Variants in TMPRSS11F observed in about 807,000 individuals in gnomAD.
TMPRSS11F encodes transmembrane serine protease 11F.
TMPRSS11F carries 47 observed loss-of-function variants against 60.2 expected under a neutral mutation model. The observed-to-expected ratio is 0.78, with a 90% confidence interval of 0.62 to 1.00. TMPRSS11F has a LOEUF of 1.00. Among genes scored for constraint, TMPRSS11F ranks in the 50% least tolerant of loss-of-function variants. The pLI is 0.00. For missense variants in TMPRSS11F, 519 were observed against 522.9 expected, an observed-to-expected ratio of 0.99 and a Z score of 0.07; for synonymous variants, 166 against 167.3, an observed-to-expected ratio of 0.99 and a Z score of 0.06.
At chr4:68,106,792 C>T (rs1724309275) in intron 1 of TMPRSS11F, among the ~76,000 whole-genome samples, 1 of 152,114 alleles carries the variant, frequency 6.6e-6, no homozygotes, top group Non-Finnish European at 1.5e-5. Context: ...ATCTTATTTA[C>T]ATAATAGAAT....
At chr4:68,118,337 T>C (rs1724565279) in intron 1 of TMPRSS11F, among the ~76,000 whole-genome samples, 2 of 152,280 alleles carry the variant, frequency 1.3e-5, no homozygotes, top group African/African-American at 4.8e-5. Context: ...ATGGAAGGCT[T>C]TTTATGTGAA....
At chr4:68,060,931 T>C (rs1481876010) in intron 8 of TMPRSS11F, among the ~76,000 whole-genome samples, 1 of 152,030 alleles carries the variant, frequency 6.6e-6, no homozygotes, top group Non-Finnish European at 1.5e-5. Context: ...TAATAATATA[T>C]AGTACTTTTT....
chr4:68,091,333 A>G (rs1439607793), intron 2 of TMPRSS11F, among the ~76,000 whole-genome samples: 1 of 151,840 alleles, frequency 6.6e-6, no homozygotes, highest in Non-Finnish European at 1.5e-5. Context: ...CACCTTGGTG[A>G]GCTCTTTATT....
At chr4:68,109,192 C>T (rs895342450) in intron 1 of TMPRSS11F, among the ~76,000 whole-genome samples, 2 of 152,114 alleles carry the variant, frequency 1.3e-5, no homozygotes, top group African/African-American at 4.8e-5. Flanking sequence ...TGAGCACCTA[C>T]TATGTAACCT....
chr4:68,091,383 C>T (rs574384207), intron 2 of TMPRSS11F, among the ~76,000 whole-genome samples: 6 of 152,138 alleles, frequency 3.9e-5, no homozygotes, highest in African/African-American at 1.4e-4. Context: ...CTATCTTTGA[C>T]CTGGTCATAT....
chr4:68,111,195 G>C (rs1255865877), intron 1 of TMPRSS11F, among the ~76,000 whole-genome samples: 1 of 151,996 alleles, frequency 6.6e-6, no homozygotes, highest in Non-Finnish European at 1.5e-5. Context: ...TTCCCAGTTG[G>C]AGCTTATACA....
chr4:68,108,142 A>G (rs73823605), intron 1 of TMPRSS11F, among the ~76,000 whole-genome samples: 1 of 152,148 alleles, frequency 6.6e-6, no homozygotes, highest in African/African-American at 2.4e-5. Flanking sequence ...GCAACGAGGA[A>G]ATCAGAACAT....
chr4:68,070,002 C>G lies in TMPRSS11F; in HGVS notation c.520G>C (p.Asp174His). 6.2e-7 allele frequency: 1 copy of G among 1,602,060 alleles called. No homozygotes were observed. The highest frequency in any genetic ancestry group is 8.5e-7 in the Non-Finnish European group (1 of 1,173,830). The change falls in exon 6 of 10, where the codon GAC becomes CAC. Residue 174 changes from aspartate (D) to histidine (H), a missense_variant. Physicochemically the swap from Asp to His is moderately conservative, Grantham distance 81. Coordinates refer to ENST00000356291, the MANE Select transcript of TMPRSS11F (RefSeq NM_207407.2). ...AGAAGATTCCTCATCTTTTTGCTGT[C>G]AATAGCTGGAATAAGCAAAACATGA... ...NKPSFRLTPI[D>H]SKKMRNLLNS...
intron 9 of TMPRSS11F, among the ~76,000 whole-genome samples, chr4:68,056,830 A>G (rs1404604521): frequency 1.3e-5 from 2 of 152,220 alleles, no homozygotes; most frequent in Non-Finnish European, 2.9e-5. Context: ...GTCCTGGCAT[A>G]ATAACAGATT....
chr4:68,125,705 T>A (rs1228619403), intron 1 of TMPRSS11F, among the ~76,000 whole-genome samples: 1 of 152,166 alleles, frequency 6.6e-6, no homozygotes, highest in Admixed American at 6.5e-5. Context: ...CACAATATCC[T>A]TTTTTAAAGA....
At chr4:68,129,721 C>A in intron 1 of TMPRSS11F, 89 bp downstream of exon 1, 1 of 1,192,582 alleles carries the variant, frequency 8.4e-7, no homozygotes, top group Non-Finnish European at 1.2e-6. Context: ...AAATCAATCT[C>A]CACCAGCCAA....
chr4:68,059,038 G>A (rs1723102117), intron 9 of TMPRSS11F, among the ~76,000 whole-genome samples: 3 of 152,172 alleles, frequency 2.0e-5, no homozygotes, highest in Admixed American at 2.0e-4. Flanking sequence ...TAAAAAATGT[G>A]AGGGGCGAAG....
At chr4:68,115,044 C>G (rs1191022685) in intron 1 of TMPRSS11F, among the ~76,000 whole-genome samples, 6 of 144,816 alleles carry the variant, frequency 4.1e-5, no homozygotes, top group Admixed American at 6.8e-5. Context: ...TTTCAACAAG[C>G]TAGGGATAGA....
chr4:68,082,877 T>C (rs746444872), intron 3 of TMPRSS11F, among the ~76,000 whole-genome samples: 5 of 151,972 alleles, frequency 3.3e-5, no homozygotes, highest in South Asian at 2.1e-4. Flanking sequence ...TGACAGCCAC[T>C]GCCTCTGCCC....
chr4:68,070,375 G>A (rs1723431074), intron 5 of TMPRSS11F, among the ~76,000 whole-genome samples: 1 of 152,298 alleles, frequency 6.6e-6, no homozygotes, highest in Admixed American at 6.5e-5. Context: ...CACAGTTGGT[G>A]TTTACCAACC....
chr4:68,102,846 T>C (rs1724220455), intron 1 of TMPRSS11F, among the ~76,000 whole-genome samples: 1 of 152,164 alleles, frequency 6.6e-6, no homozygotes, highest in Non-Finnish European at 1.5e-5. Flanking sequence ...TATTTTTGCT[T>C]TTGTGGGTTG....
At position 68,098,338 on chromosome 4, in the gene TMPRSS11F, G is replaced by A. The variant is rs143074150; in HGVS notation, c.163+549C>T. On this transcript the variant is annotated intron_variant, in intron 2 of 9. Coordinates refer to ENST00000356291, the MANE Select transcript of TMPRSS11F (RefSeq NM_207407.2). ...AGAGGAAAATACAGAAACCAAAGAC[G>A]AAGGTAAATGAATCTTAGTTGATTG... Among the ~76,000 whole-genome samples, 218 of 152,112 alleles carry A rather than the reference G, an allele frequency of 1.4e-3. 2 individuals carry two copies. The highest frequency in any genetic ancestry group is 5.1e-3 in the African/African-American group (213 of 41,510).
chr4:68,116,416 C>A (rs867021062), intron 1 of TMPRSS11F, among the ~76,000 whole-genome samples: 2 of 152,066 alleles, frequency 1.3e-5, no homozygotes, highest in Non-Finnish European at 2.9e-5. Flanking sequence ...AATGCCCATA[C>A]TACCCAAAGC....
At chr4:68,100,735 C>G (rs1457781673) in intron 1 of TMPRSS11F, among the ~76,000 whole-genome samples, 1 of 152,044 alleles carries the variant, frequency 6.6e-6, no homozygotes, top group Non-Finnish European at 1.5e-5. Flanking sequence ...ATCTGTTTTA[C>G]GGCCTTTCTC....
Sources: gnomAD v4.1 joint callset for allele counts (sites outside exome capture counted in the v4.1 genomes callset) on GRCh38, gnomAD v4.1.1 for gene constraint, MANE v1.5 for transcripts, NCBI Gene and HGNC (gene_info 2026-07-23, HGNC 2026-07-21) for gene names.